LDAH: variants seen among roughly 807,000 people sequenced by gnomAD.
LDAH encodes lipid droplet-associated hydrolase.
LDAH carries 26 observed loss-of-function variants against 29.6 expected under a neutral mutation model. The observed-to-expected ratio is 0.88, with a 90% confidence interval of 0.64 to 1.22. LDAH has a LOEUF of 1.22. Ranked by LOEUF, LDAH falls within the 50% of genes most tolerant of loss-of-function variation. LDAH has a pLI of 0.00. For missense variants in LDAH, 344 were observed against 387.3 expected, an observed-to-expected ratio of 0.89 and a Z score of 0.94; for synonymous variants, 117 against 133.0, an observed-to-expected ratio of 0.88 and a Z score of 0.83.
At chr2:20,817,736 A>G (rs1014597014) in intron 1 of LDAH, among the ~76,000 whole-genome samples, 4 of 152,192 alleles carry the variant, frequency 2.6e-5, no homozygotes, top group Non-Finnish European at 4.4e-5. Context: ...AGCTCTATTT[A>G]TAATAGTGTA....
Position 20,761,502 on chromosome 2 carries a change from T to G in LDAH, c.468+13308A>C, listed in dbSNP as rs74942645. 2.1e-3 allele frequency among the ~76,000 whole-genome samples: 326 copies of G among 152,340 alleles called. 12 individuals are homozygous for G. In the East Asian group the frequency reaches 0.052, roughly 25 times the overall value. On this transcript the variant is annotated intron_variant, in intron 4 of 6. Transcript: ENST00000237822. Reference sequence around the variant, plus strand: ...ATCGGAGCAATCAGCAAAGTTTTCATGCAGGAAGTGACATTTGGCTAATGA... The same window carrying G: ...ATCGGAGCAATCAGCAAAGTTTTCAGGCAGGAAGTGACATTTGGCTAATGA...
intron 5 of LDAH, among the ~76,000 whole-genome samples, chr2:20,728,578 A>G (rs907360231): frequency 5.3e-5 from 8 of 152,158 alleles, no homozygotes; most frequent in African/African-American, 1.9e-4. Flanking sequence ...GCAAGGTACT[A>G]GGAATCACCA....
At chr2:20,694,851 T>C (rs116786365) in intron 6 of LDAH, among the ~76,000 whole-genome samples, 1,985 of 152,308 alleles carry the variant, frequency 0.013, 46 homozygotes, top group African/African-American at 0.046. Flanking sequence ...AGGGCCAGGA[T>C]CCTCTCCCTC....
chr2:20,792,011 T>G (rs1405270975), intron 2 of LDAH, among the ~76,000 whole-genome samples: 1 of 152,078 alleles, frequency 6.6e-6, no homozygotes. Flanking sequence ...TGTTAACAGG[T>G]AGGGCAAATC....
chr2:20,767,916 A>G (rs565630768), intron 4 of LDAH, among the ~76,000 whole-genome samples: 1 of 152,090 alleles, frequency 6.6e-6, no homozygotes, highest in Non-Finnish European at 1.5e-5. Context: ...TGCACAGAGA[A>G]GCCACCTACA....
At chr2:20,702,506 G>T (rs954235155) in intron 5 of LDAH, among the ~76,000 whole-genome samples, 8 of 152,076 alleles carry the variant, frequency 5.3e-5, no homozygotes, top group African/African-American at 1.9e-4. Context: ...AAAGCTATTT[G>T]GTCTGACGCC....
chr2:20,760,425 A>T (rs1452333717), intron 4 of LDAH, among the ~76,000 whole-genome samples: 2 of 152,206 alleles, frequency 1.3e-5, no homozygotes, highest in Non-Finnish European at 2.9e-5. Context: ...TTGATATTGC[A>T]CAGTTTCTGC....
At chr2:20,704,274 G>A (rs1664157447) in intron 5 of LDAH, among the ~76,000 whole-genome samples, 1 of 152,072 alleles carries the variant, frequency 6.6e-6, no homozygotes, top group African/African-American at 2.4e-5. Flanking sequence ...CATTTTCTTG[G>A]CCTAATCTCC....
intron 5 of LDAH, among the ~76,000 whole-genome samples, chr2:20,705,992 G>A (rs1342754718): frequency 6.6e-6 from 1 of 152,212 alleles, no homozygotes; most frequent in Non-Finnish European, 1.5e-5. Context: ...TTGGCTAGAT[G>A]TGCCTCTTGA....
At chr2:20,792,330 T>C (rs1671023974) in intron 2 of LDAH, among the ~76,000 whole-genome samples, 1 of 152,140 alleles carries the variant, frequency 6.6e-6, no homozygotes. Flanking sequence ...GCTTTACATA[T>C]ATTATTTAAT....
intron 3 of LDAH, among the ~76,000 whole-genome samples, chr2:20,775,656 TC>T (rs1669766313): frequency 6.6e-6 from 1 of 152,204 alleles, no homozygotes; most frequent in African/African-American, 2.4e-5. Context: ...TTTTAAATAA[TC>T]AGCAGTCCTG....
chr2:20,769,776 A>G (rs11893093), intron 4 of LDAH, among the ~76,000 whole-genome samples: 5,231 of 152,270 alleles, frequency 0.034, 268 homozygotes, highest in African/African-American at 0.12. Flanking sequence ...GAGTGATAAC[A>G]ATGTCCACAC....
chr2:20,790,205 C>T, intron 3 of LDAH, 50 bp downstream of exon 3: 1 of 1,587,686 alleles, frequency 6.3e-7, no homozygotes, highest in Non-Finnish European at 8.6e-7. Flanking sequence ...TTGCTAGAAA[C>T]ATGACCCTGC....
intron 4 of LDAH, among the ~76,000 whole-genome samples, chr2:20,748,302 A>C (rs1258669963): frequency 6.6e-6 from 1 of 152,198 alleles, no homozygotes; most frequent in Non-Finnish European, 1.5e-5. Context: ...TGAAAAAAAA[A>C]GCCATTTAAT....
intron 6 of LDAH, among the ~76,000 whole-genome samples, chr2:20,696,098 G>C (rs956272185): frequency 6.6e-6 from 1 of 152,204 alleles, no homozygotes; most frequent in Non-Finnish European, 1.5e-5. Flanking sequence ...TTCTGGACAG[G>C]CTTTAAATTA....
At chr2:20,809,648 G>T (rs1413913447) in intron 1 of LDAH, among the ~76,000 whole-genome samples, 1 of 152,014 alleles carries the variant, frequency 6.6e-6, no homozygotes, top group Non-Finnish European at 1.5e-5. Flanking sequence ...AATTTACAAA[G>T]AACTTTTACA....
intron 6 of LDAH, among the ~76,000 whole-genome samples, chr2:20,697,606 T>C (rs745838217): frequency 3.3e-5 from 5 of 152,200 alleles, no homozygotes; most frequent in Non-Finnish European, 7.3e-5. Flanking sequence ...GACCCTTCAA[T>C]AGCTCCCCAA....
At chr2:20,752,858 T>C (rs1196014298) in intron 4 of LDAH, among the ~76,000 whole-genome samples, 1 of 152,222 alleles carries the variant, frequency 6.6e-6, no homozygotes, top group South Asian at 2.1e-4. Flanking sequence ...TATGGCCTCA[T>C]CATGCCCAGA....
chr2:20,711,943 C>T (rs1276245702), intron 5 of LDAH, among the ~76,000 whole-genome samples: 1 of 152,266 alleles, frequency 6.6e-6, no homozygotes, highest in Non-Finnish European at 1.5e-5. Context: ...ATAGACTCCA[C>T]CTCTGAGGGC....
Sources: gnomAD v4.1 joint callset for allele counts (sites outside exome capture counted in the v4.1 genomes callset) on GRCh38, gnomAD v4.1.1 for gene constraint, MANE v1.5 for transcripts, NCBI Gene and HGNC (gene_info 2026-07-23, HGNC 2026-07-21) for gene names.